The following TRIO variants were observed in gnomAD, a reference collection of about 807,000 sequenced individuals.
TRIO encodes the protein triple functional domain protein.
TRIO carries 58 observed loss-of-function variants against 351.9 expected under a neutral mutation model. The ratio of observed to expected loss-of-function variants is 0.16; its 90% CI spans 0.13 to 0.21. The LOEUF is 0.21. Ranked by LOEUF, TRIO falls within the 10% of genes least tolerant of loss-of-function variation. TRIO has a pLI of 1.00. For synonymous variants in TRIO, 1,758 were observed against 1,595.7 expected (o/e 1.10, Z -2.42); for missense variants, 3,201 against 4,027.8 (o/e 0.79, Z 5.56).
chr5:14,202,601 A>G (rs1334842010), intron 1 of TRIO, among the ~76,000 whole-genome samples: 1 of 151,292 alleles, frequency 6.6e-6, no homozygotes, highest in Non-Finnish European at 1.5e-5. Context: ...AGATAATTGA[A>G]TCTTCAGGGT....
chr5:14,474,495 G>A lies in TRIO; in HGVS notation c.6083+398G>A, dbSNP rs546041966. Among the ~76,000 whole-genome samples, 7 of 152,144 alleles carry A rather than the reference G, an allele frequency of 4.6e-5. No individual in the cohort carries two copies. In the South Asian group the frequency reaches 6.2e-4, roughly 14 times the overall value. Reference sequence around the variant, plus strand: ...GTGACTGAGTTAATACTTTTACCTCGTGGGTTTTTTGTGAAGAGTGACTGA... The same window carrying A: ...GTGACTGAGTTAATACTTTTACCTCATGGGTTTTTTGTGAAGAGTGACTGA... On this transcript the variant is annotated intron_variant, in intron 40 of 56. Coordinates refer to ENST00000344204, the MANE Select transcript of TRIO (RefSeq NM_007118.4).
At chr5:14,301,982 GA>G (rs1385971835) in intron 7 of TRIO, among the ~76,000 whole-genome samples, 1 of 152,170 alleles carries the variant, frequency 6.6e-6, no homozygotes, top group Non-Finnish European at 1.5e-5. Context: ...AAAAAGGGCA[GA>G]ATCCTTTGTC....
chr5:14,312,886 C>A (rs1379519491), intron 8 of TRIO, among the ~76,000 whole-genome samples: 4 of 152,318 alleles, frequency 2.6e-5, no homozygotes, highest in Non-Finnish European at 4.4e-5. Flanking sequence ...CAGCAGTCCT[C>A]ATAAAATTGT....
chr5:14,307,523 C>T lies in TRIO; in HGVS notation c.1500+2931C>T, dbSNP rs146696862. ...TCTCGTGGGCTGACTCAGGCTGTGC[C>T]TTTTTGGCAGTGCATGTCCTTCTCT... On this transcript the variant is annotated intron_variant, in intron 8 of 56. Transcript: ENST00000344204. Among the ~76,000 whole-genome samples the T allele has an allele frequency of 1.9e-3, 287 of 152,322 alleles. No homozygotes were observed. The Middle Eastern group carries it at 0.02, about 11-fold the overall frequency.
In TRIO at chr5:14,488,308, C is replaced by T. The variant is rs1279684391; in HGVS notation, c.7632+48C>T. On this transcript the variant is annotated intron_variant, in intron 48 of 56. Transcript: ENST00000344204. ...GCCCTCCCGCCCCCCTGCCTCTGTCCCGCCAGCTCTAAACGCCACCGCGGC... is the reference window on the plus strand; with the variant it reads ...GCCCTCCCGCCCCCCTGCCTCTGTCTCGCCAGCTCTAAACGCCACCGCGGC... 2.6e-6 allele frequency: 4 copies of T among 1,515,696 alleles called. No homozygotes were observed. In the East Asian group the frequency reaches 7.4e-5, roughly 28 times the overall value. The allele number at this position is 1,515,696 out of a possible 1,614,324, so 93.9% of individuals were successfully genotyped here.
chr5:14,396,907 A>C, intron 28 of TRIO, 136 bp from the exon 29 acceptor site: 1 of 683,686 alleles, frequency 1.5e-6, no homozygotes, highest in South Asian at 1.9e-5. Context: ...GTTTATTTCT[A>C]TGAGAACATA....
chr5:14,175,497 G>C (rs1277107525), intron 1 of TRIO, among the ~76,000 whole-genome samples: 1 of 151,980 alleles, frequency 6.6e-6, no homozygotes, highest in Admixed American at 6.6e-5. Context: ...AAAGATTCTA[G>C]ATTATTATAG....
intron 1 of TRIO, among the ~76,000 whole-genome samples, chr5:14,157,016 A>C (rs1249577179): frequency 6.6e-6 from 1 of 152,242 alleles, no homozygotes; most frequent in South Asian, 2.1e-4. Flanking sequence ...CTCAATGTAC[A>C]AATTGCCAAA....
At chr5:14,415,270 T>C (rs1224053359) in intron 33 of TRIO, among the ~76,000 whole-genome samples, 1 of 152,172 alleles carries the variant, frequency 6.6e-6, no homozygotes. Flanking sequence ...GTTCTTGAAG[T>C]AGAATTGTTT....
chr5:14,357,072 AG>A (rs1743678080), intron 11 of TRIO, among the ~76,000 whole-genome samples: 1 of 152,228 alleles, frequency 6.6e-6, no homozygotes, highest in Non-Finnish European at 1.5e-5. Context: ...ACATTTGTGC[AG>A]CTTATAGTAT....
chr5:14,465,648 C>T lies in TRIO; in HGVS notation c.5763+8C>T. 1 of 1,614,018 alleles carries T rather than the reference C, an allele frequency of 6.2e-7. No homozygotes were observed. Among genetic ancestry groups the T allele is most frequent in the East Asian group, 2.2e-5 (1 of 44,878 alleles). ...CTCGTGAAAAGCAAGATGGTGAGGCCTCCCAGAGAAAGTCTGACTTTTGGA... is the reference window on the plus strand; with the variant it reads ...CTCGTGAAAAGCAAGATGGTGAGGCTTCCCAGAGAAAGTCTGACTTTTGGA... On this transcript the variant is annotated splice_region_variant and intron_variant, in intron 37 of 56. Coordinates refer to ENST00000344204, the MANE Select transcript of TRIO (RefSeq NM_007118.4).
In TRIO at chr5:14,180,445, A is replaced by G. The variant is rs577720265; in HGVS notation, c.157+36563A>G. On this transcript the variant is annotated intron_variant, in intron 1 of 56. Transcript: ENST00000344204. ...AATAAATAAGGATTGTTTGCCTTCT[A>G]AAGAATATAACCTAAATTGTTCCTT... 2.0e-5 allele frequency among the ~76,000 whole-genome samples: 3 copies of G among 152,358 alleles called. No homozygotes were observed. The South Asian group carries it at 6.2e-4, about 32-fold the overall frequency.
chr5:14,476,850 G>A, intron 40 of TRIO, 44 bp from the exon 41 acceptor site: 1 of 1,496,080 alleles, frequency 6.7e-7, no homozygotes, highest in South Asian at 1.2e-5. Context: ...AAAATTAGAA[G>A]GCCACACTGG....
intron 2 of TRIO, among the ~76,000 whole-genome samples, chr5:14,271,292 C>T (rs1795961498): frequency 6.6e-6 from 1 of 152,228 alleles, no homozygotes. Flanking sequence ...GTACCTGCCT[C>T]TGTTGCCTTG....
At chr5:14,169,138 A>G (rs921557358) in intron 1 of TRIO, among the ~76,000 whole-genome samples, 3 of 150,334 alleles carry the variant, frequency 2.0e-5, no homozygotes, top group Non-Finnish European at 4.4e-5. Context: ...AATTTGAGAC[A>G]TCCTGGTCTA....
chr5:14,244,934 G>GC (rs896778352), intron 1 of TRIO, among the ~76,000 whole-genome samples: 2 of 152,190 alleles, frequency 1.3e-5, no homozygotes, highest in African/African-American at 4.8e-5. Flanking sequence ...GGGAGGTATA[G>GC]CCCCAGGAAA....
chr5:14,218,047 T>G (rs987953912), intron 1 of TRIO, among the ~76,000 whole-genome samples: 1 of 152,236 alleles, frequency 6.6e-6, no homozygotes, highest in African/African-American at 2.4e-5. Flanking sequence ...TTAGTATAAC[T>G]ATAGTTCATG....
chr5:14,227,334 TCGA>T (rs969633193), intron 1 of TRIO, among the ~76,000 whole-genome samples: 1 of 152,160 alleles, frequency 6.6e-6, no homozygotes, highest in African/African-American at 2.4e-5. Context: ...GTGGAAAAAC[TCGA>T]CGTTTGTGAT....
At chr5:14,222,609 T>C (rs143138674) in intron 1 of TRIO, among the ~76,000 whole-genome samples, 125 of 152,346 alleles carry the variant, frequency 8.2e-4, no homozygotes, top group African/African-American at 2.9e-3. Context: ...AGACCTCTTT[T>C]CTCAGTATCT....
Sources: gnomAD v4.1 joint callset for allele counts (sites outside exome capture counted in the v4.1 genomes callset) on GRCh38, gnomAD v4.1.1 for gene constraint, MANE v1.5 for transcripts, NCBI Gene and HGNC (gene_info 2026-07-23, HGNC 2026-07-21) for gene names.